Variants in FAM184A observed in about 807,000 individuals in gnomAD.
The protein encoded by FAM184A is family with sequence similarity 184 member A.
FAM184A carries 99 observed loss-of-function variants against 143.8 expected under a neutral mutation model. The observed-to-expected ratio is 0.69, with a 90% CI of 0.58 to 0.81. FAM184A has a LOEUF of 0.81. Among genes scored for constraint, FAM184A ranks in the 40% least tolerant of loss-of-function variants. The pLI is 0.00. For synonymous variants in FAM184A, 427 were observed against 446.4 expected (o/e 0.96, Z 0.55); for missense variants, 1,217 against 1,310.5 (o/e 0.93, Z 1.10).
chr6:119,037,954 A>C (rs1263115634), intron 1 of FAM184A, among the ~76,000 whole-genome samples: 2 of 152,192 alleles, frequency 1.3e-5, no homozygotes, highest in African/African-American at 4.8e-5. Flanking sequence ...ACAGAAAGCA[A>C]ATGAGGAAAT....
chr6:118,999,375 C>T (rs975512572), intron 9 of FAM184A, among the ~76,000 whole-genome samples: 1 of 152,144 alleles, frequency 6.6e-6, no homozygotes, highest in Admixed American at 6.5e-5. Flanking sequence ...GACAGAATCT[C>T]ATAGTTTACC....
intron 1 of FAM184A, among the ~76,000 whole-genome samples, chr6:119,124,845 C>A (rs1162590427): frequency 1.3e-5 from 2 of 151,832 alleles, no homozygotes; most frequent in African/African-American, 2.4e-5. Flanking sequence ...CTTTATAATA[C>A]AACATTTGTT....
At chr6:119,117,742 T>G (rs1157708275) in intron 1 of FAM184A, among the ~76,000 whole-genome samples, 1 of 152,222 alleles carries the variant, frequency 6.6e-6, no homozygotes, top group African/African-American at 2.4e-5. Flanking sequence ...TTCACATGGT[T>G]AGAAATGGAG....
At chr6:118,998,765 AG>A (rs1784651185) in intron 9 of FAM184A, among the ~76,000 whole-genome samples, 1 of 152,166 alleles carries the variant, frequency 6.6e-6, no homozygotes, top group Non-Finnish European at 1.5e-5. Context: ...GCTGTAAAAA[AG>A]AAAGGGAGAG....
At chr6:119,066,166 C>G (rs1313501116) in intron 1 of FAM184A, among the ~76,000 whole-genome samples, 1 of 152,170 alleles carries the variant, frequency 6.6e-6, no homozygotes, top group Non-Finnish European at 1.5e-5. Context: ...TGTAGAGAGC[C>G]ATGTTGTGGT....
At chr6:119,089,223 A>G (rs1322632496) in intron 1 of FAM184A, among the ~76,000 whole-genome samples, 1 of 128,580 alleles carries the variant, frequency 7.8e-6, no homozygotes, top group East Asian at 2.1e-4. Context: ...TATTTTTTTG[A>G]GACAGAGTCT....
intron 9 of FAM184A, among the ~76,000 whole-genome samples, chr6:118,985,671 T>C (rs970820103): frequency 9.2e-5 from 14 of 152,186 alleles, no homozygotes; most frequent in African/African-American, 3.4e-4. Context: ...AGGGATTAAA[T>C]GGAAATCCCT....
intron 9 of FAM184A, among the ~76,000 whole-genome samples, chr6:119,001,599 G>C (rs2114636688): frequency 6.6e-6 from 1 of 152,210 alleles, no homozygotes; most frequent in Admixed American, 6.5e-5. Flanking sequence ...TGTATGGATG[G>C]CATCTGACAA....
chr6:118,960,295 G>C (rs1436213841), intron 17 of FAM184A, 111 bp from the exon 18 acceptor site: 5 of 807,536 alleles, frequency 6.2e-6, no homozygotes, highest in Non-Finnish European at 9.8e-6. Flanking sequence ...TCCCCATGTT[G>C]TAAGTCGTGT....
intron 1 of FAM184A, among the ~76,000 whole-genome samples, chr6:119,042,858 G>A (rs1292649593): frequency 1.3e-5 from 2 of 151,902 alleles, no homozygotes; most frequent in African/African-American, 4.8e-5. Flanking sequence ...AAAGGGGATG[G>A]GAACTCTGTA....
At chr6:119,009,895 C>T (rs1582499393) in intron 6 of FAM184A, among the ~76,000 whole-genome samples, 2 of 152,220 alleles carry the variant, frequency 1.3e-5, no homozygotes, top group Middle Eastern at 6.8e-3. Context: ...AGAAAAACTT[C>T]GTATATACTT....
intron 14 of FAM184A, among the ~76,000 whole-genome samples, chr6:118,968,836 AAT>A (rs3058605): frequency 0.84 from 128,246 of 151,992 alleles, 54,118 homozygotes; most frequent in East Asian, 0.93. Flanking sequence ...TTTTTTGCAT[AAT>A]AAAGGTCTAT....
At chr6:119,129,903 T>G (rs1027060971) in intron 1 of FAM184A, among the ~76,000 whole-genome samples, 1 of 152,158 alleles carries the variant, frequency 6.6e-6, no homozygotes, top group African/African-American at 2.4e-5. Flanking sequence ...AAATCTCTAT[T>G]GTAAAGGTTG....
rs1351880096 is a variant in FAM184A at position 119,078,084 on chromosome 6, G to A, written c.159+57C>T. The A allele has an allele frequency of 1.3e-6, 2 of 1,531,464 alleles. No homozygotes were observed. Among genetic ancestry groups the A allele is most frequent in the African/African-American group, 1.4e-5 (1 of 72,458 alleles). The allele number at this position is 1,531,464 out of a possible 1,614,324, so 94.9% of individuals were successfully genotyped here. A position where few individuals can be genotyped will look rare whatever the true frequency, so the allele number is the denominator to read the frequency against. On this transcript the variant is annotated intron_variant, in intron 1 of 17. Coordinates refer to ENST00000338891, the MANE Select transcript of FAM184A (RefSeq NM_024581.6). The surrounding 1 kb of genome is among the most constrained non-coding windows in gnomAD (Gnocchi z 5.5). Reference sequence around the variant, plus strand: ...GGCGCACTGCCTCCCGGGGAGACAGGTGAGTCCGGCGCGGCCCGCACGGGG... The same window carrying A: ...GGCGCACTGCCTCCCGGGGAGACAGATGAGTCCGGCGCGGCCCGCACGGGG...
chr6:119,030,397 CCTT>C (rs1284198674), intron 1 of FAM184A, among the ~76,000 whole-genome samples: 2 of 151,880 alleles, frequency 1.3e-5, no homozygotes, highest in African/African-American at 2.4e-5. Context: ...TTATTAGTGT[CCTT>C]CTCTGAACAC....
intron 10 of FAM184A, among the ~76,000 whole-genome samples, chr6:118,979,879 CAA>C (rs57478039): frequency 2.8e-5 from 4 of 141,190 alleles, no homozygotes; most frequent in South Asian, 4.5e-4. Context: ...CCTGTTTCTA[CAA>C]AAAAAAAAAA....
At chr6:119,133,366 C>T (rs975215002) in intron 1 of FAM184A, among the ~76,000 whole-genome samples, 5 of 151,974 alleles carry the variant, frequency 3.3e-5, no homozygotes, top group African/African-American at 9.7e-5. Context: ...AGGAAGACTC[C>T]GAAATGGAGA....
intron 13 of FAM184A, 64 bp from the exon 14 acceptor site, chr6:118,974,638 T>A (rs1470413982): frequency 7.4e-7 from 1 of 1,358,032 alleles, no homozygotes; most frequent in Non-Finnish European, 1.0e-6. Flanking sequence ...AACTTTCTAT[T>A]ATTCTACCAG....
intron 1 of FAM184A, among the ~76,000 whole-genome samples, chr6:119,120,855 T>C (rs1385422525): frequency 2.0e-5 from 3 of 151,254 alleles, no homozygotes; most frequent in Non-Finnish European, 4.4e-5. Context: ...TTTCTTTTTT[T>C]TTTTTTTTAG....
Sources: allele counts gnomAD v4.1 joint callset (sites outside exome capture counted in the v4.1 genomes callset), GRCh38; gene constraint gnomAD v4.1.1; non-coding constraint Gnocchi (gnomAD v3.1); transcripts MANE v1.5; gene names NCBI Gene and HGNC (gene_info 2026-07-23, HGNC 2026-07-21).